The following CDC45 variants were observed in gnomAD, a reference collection of about 807,000 sequenced individuals.
The protein encoded by CDC45 is cell division control protein 45 homolog.
In CDC45, 54 loss-of-function variants were observed where a neutral mutation model predicts 77.8. The ratio of observed to expected loss-of-function variants is 0.69; its 90% CI spans 0.56 to 0.87. The LOEUF (loss-of-function observed/expected upper bound fraction) is 0.87, where lower values mean the gene tolerates loss of function less well. CDC45 is among the 40% of genes least tolerant of loss of function. CDC45 has a pLI of 0.00. For missense variants in CDC45, 649 were observed against 721.6 expected (o/e 0.90, Z 1.15); for synonymous variants, 260 against 272.1 (o/e 0.96, Z 0.44).
chr22:19,497,491 T>C (rs777634030), intron 8 of CDC45, 44 bp downstream of exon 8: 2 of 1,536,986 alleles, frequency 1.3e-6, no homozygotes, highest in East Asian at 4.5e-5. Flanking sequence ...TTTGTTGCCT[T>C]GGTCAGTGCC....
chr22:19,514,517 C>T (rs1302909668), intron 13 of CDC45, among the ~76,000 whole-genome samples: 1 of 152,178 alleles, frequency 6.6e-6, no homozygotes, highest in African/African-American at 2.4e-5. Flanking sequence ...TTTTAGTTTC[C>T]TGTCTTCTGA....
rs538613532 is a variant in CDC45 at position 19,502,738 on chromosome 22, CT to C, written c.705-2617del. On this transcript the variant is annotated intron_variant, in intron 9 of 18. Transcript: ENST00000263201. Reference sequence around the variant, plus strand: ...GTTTGATTTTAAAAACTTACCCTTTCTTTTTTTCTCCAGTTTCAAGTTTTCA... The same window carrying C: ...GTTTGATTTTAAAAACTTACCCTTTCTTTTTTCTCCAGTTTCAAGTTTTCA... Among the ~76,000 whole-genome samples, 6 of 152,328 alleles carry C rather than the reference CT, an allele frequency of 3.9e-5. No individual in the cohort carries two copies. In the East Asian group the frequency reaches 1.2e-3, roughly 29 times the overall value.
chr22:19,488,950 C>T (rs1313234766), intron 5 of CDC45, among the ~76,000 whole-genome samples: 1 of 152,080 alleles, frequency 6.6e-6, no homozygotes, highest in Non-Finnish European at 1.5e-5. Context: ...CTAAGGCAGG[C>T]GGATCACTTG....
intron 13 of CDC45, among the ~76,000 whole-genome samples, chr22:19,512,842 A>C (rs1172982903): frequency 6.6e-6 from 1 of 152,184 alleles, no homozygotes; most frequent in Non-Finnish European, 1.5e-5. Context: ...ATAAAGAGAA[A>C]AGGTTTATTT....
At chr22:19,483,310 T>C (rs1601920812) in intron 4 of CDC45, among the ~76,000 whole-genome samples, 2 of 152,234 alleles carry the variant, frequency 1.3e-5, no homozygotes, top group Admixed American at 1.3e-4. Context: ...TGGACGCTTG[T>C]AGTCCCAGCT....
chr22:19,495,826 A>C (rs2090232567), intron 6 of CDC45, among the ~76,000 whole-genome samples, 155 bp from the exon 7 acceptor site: 1 of 152,240 alleles, frequency 6.6e-6, no homozygotes, highest in Admixed American at 6.5e-5. Context: ...TGTCTCAACA[A>C]AAAAGAAAAA....
At chr22:19,504,648 G>T (rs1019784422) in intron 9 of CDC45, among the ~76,000 whole-genome samples, 1 of 152,124 alleles carries the variant, frequency 6.6e-6, no homozygotes, top group African/African-American at 2.4e-5. Context: ...GGAAAATTGG[G>T]AGAGTTGATT....
At chr22:19,516,926 C>T (rs375938643) in intron 17 of CDC45, 33 bp downstream of exon 17, 1 of 1,572,356 alleles carries the variant, frequency 6.4e-7, no homozygotes, top group Admixed American at 1.7e-5. Flanking sequence ...CCACACTTTC[C>T]CACCTGACCC....
rs2090278803 is a variant in CDC45, at chr22:19,498,203, C to T, written c.653+756C>T. Among the ~76,000 whole-genome samples the T allele has an allele frequency of 2.6e-5, 4 of 152,218 alleles. No homozygotes were observed. The South Asian group carries it at 8.3e-4, about 32-fold the overall frequency. On this transcript the variant is annotated intron_variant, in intron 8 of 18. Coordinates refer to ENST00000263201, the MANE Select transcript of CDC45 (RefSeq NM_003504.5). ...AATTAGCCAGGTGTCATAGTGTGTACCTGTAGTCCAAGCTACTCAGGAGGC... is the reference window on the plus strand; with the variant it reads ...AATTAGCCAGGTGTCATAGTGTGTATCTGTAGTCCAAGCTACTCAGGAGGC...
intron 9 of CDC45, among the ~76,000 whole-genome samples, chr22:19,503,328 A>G (rs939563625): frequency 2.6e-4 from 39 of 152,106 alleles, no homozygotes; most frequent in African/African-American, 9.4e-4. Flanking sequence ...TAACCAAATC[A>G]ATATTTCTCA....
chr22:19,508,507 A>G (rs1446322240), intron 12 of CDC45, 23 bp from the exon 13 acceptor site: 2 of 1,613,840 alleles, frequency 1.2e-6, no homozygotes, highest in Non-Finnish European at 1.7e-6. Context: ...TGAGGGTGAC[A>G]GCTGTGTTTG....
chr22:19,480,071 G>A (rs1403083678), intron 1 of CDC45, 52 bp downstream of exon 1: 4 of 1,612,672 alleles, frequency 2.5e-6, no homozygotes, highest in Admixed American at 1.7e-5. Context: ...GGGAAGGGAT[G>A]AGGGGGAGCG....
intron 2 of CDC45, 75 bp from the exon 3 acceptor site, chr22:19,480,878 T>A: frequency 1.1e-6 from 1 of 923,206 alleles, no homozygotes; most frequent in Non-Finnish European, 1.7e-6. Flanking sequence ...ACCCGTCTAA[T>A]CTTCCTCAGT....
intron 15 of CDC45, 137 bp from the exon 16 acceptor site, chr22:19,516,390 G>A (rs919747354): frequency 2.7e-6 from 2 of 728,816 alleles, no homozygotes; most frequent in South Asian, 1.6e-5. Flanking sequence ...GGCTGGGTGG[G>A]GACCAAGGCG....
chr22:19,510,681 A>G (rs1259857508), intron 13 of CDC45, among the ~76,000 whole-genome samples: 1 of 152,082 alleles, frequency 6.6e-6, no homozygotes, highest in East Asian at 1.9e-4. Flanking sequence ...AACGCATGCC[A>G]CCAAGCCTGG....
chr22:19,499,839 T>C (rs936245162), intron 9 of CDC45, among the ~76,000 whole-genome samples: 6 of 152,182 alleles, frequency 3.9e-5, no homozygotes, highest in African/African-American at 1.4e-4. Context: ...GGTCCTCTCC[T>C]AGGGGACCCA....
At chr22:19,505,757 G>A (rs1020653245) in intron 10 of CDC45, among the ~76,000 whole-genome samples, 2 of 152,218 alleles carry the variant, frequency 1.3e-5, no homozygotes, top group African/African-American at 2.4e-5. Flanking sequence ...GTAGCAGTGC[G>A]GGCAGTGGTT....
chr22:19,495,281 T>A (rs2090222534), intron 6 of CDC45, among the ~76,000 whole-genome samples: 1 of 152,264 alleles, frequency 6.6e-6, no homozygotes, highest in African/African-American at 2.4e-5. Context: ...AACAGCCTAG[T>A]ACTTAATTGG....
chr22:19,485,896 A>G (rs1490765671), intron 5 of CDC45, among the ~76,000 whole-genome samples: 3 of 152,200 alleles, frequency 2.0e-5, no homozygotes, highest in Non-Finnish European at 4.4e-5. Context: ...GGGCAACATG[A>G]AGAGAACCTG....
Sources: allele counts gnomAD v4.1 joint callset (sites outside exome capture counted in the v4.1 genomes callset), GRCh38; gene constraint gnomAD v4.1.1; transcripts MANE v1.5; gene names NCBI Gene and HGNC (gene_info 2026-07-23, HGNC 2026-07-21).